The following EFHC2 variants were observed in gnomAD, a reference collection of about 807,000 sequenced individuals.
The protein encoded by EFHC2 is EF-hand domain-containing family member C2.
In EFHC2, 18 loss-of-function variants were observed where a neutral mutation model predicts 52.7. The ratio of observed to expected loss-of-function variants is 0.34; its 90% CI spans 0.24 to 0.51. The LOEUF is 0.51. Among genes scored for constraint, EFHC2 ranks in the 20% least tolerant of loss-of-function variants. The pLI is 0.97. For missense variants in EFHC2, 513 were observed against 562.5 expected, an observed-to-expected ratio of 0.91 and a Z score of 0.89; for synonymous variants, 203 against 204.1, an observed-to-expected ratio of 0.99 and a Z score of 0.04.
chrX:44,188,982 T>C (rs1380159557), intron 11 of EFHC2, among the ~76,000 whole-genome samples: 3 of 108,829 alleles, frequency 2.8e-5, no homozygotes, highest in Non-Finnish European at 5.7e-5. Flanking sequence ...TAGCCGGGCA[T>C]GATGGTGCAC....
At chrX:44,240,894 G>A (rs754861301) in intron 8 of EFHC2, among the ~76,000 whole-genome samples, 12 of 111,597 alleles carry the variant, frequency 1.1e-4, no homozygotes, top group South Asian at 3.8e-4. Flanking sequence ...ATCCTTAAAA[G>A]TAAAAGATTA....
intron 11 of EFHC2, among the ~76,000 whole-genome samples, chrX:44,183,413 A>G (rs762733433): frequency 1.8e-5 from 2 of 112,107 alleles, no homozygotes; most frequent in Non-Finnish European, 3.8e-5. Flanking sequence ...CCCTTGCCGT[A>G]TTGCCACTTA....
intron 1 of EFHC2, among the ~76,000 whole-genome samples, chrX:44,316,567 T>C (rs1040043065): frequency 9.3e-6 from 1 of 107,727 alleles, no homozygotes; most frequent in South Asian, 4.0e-4. Flanking sequence ...ATCCATAGAA[T>C]GAAGTTTGGG....
Position 44,209,016 on chromosome X carries a change from AATCTGTGT to A in EFHC2, c.1751+20625_1751+20632del, listed in dbSNP as rs1479045342. On this transcript the variant is annotated intron_variant, in intron 11 of 14. Coordinates refer to ENST00000420999, the MANE Select transcript of EFHC2 (RefSeq NM_025184.4). ...AATGCATGATACTGGGTTGATTGGC[AATCTGTGT>A]GTGTGTGTGTGTGTGTGTGTGTGTG... Among the ~76,000 whole-genome samples, 7 of 85,928 alleles carry A rather than the reference AATCTGTGT, an allele frequency of 8.1e-5. No homozygotes were observed. The East Asian group carries it at 2.6e-3, about 31-fold the overall frequency. The allele number at this position is 85,928 out of a possible 115,157, so 74.6% of individuals were successfully genotyped here.
intron 2 of EFHC2, among the ~76,000 whole-genome samples, chrX:44,310,731 G>T (rs1279458205): frequency 1.8e-5 from 2 of 111,591 alleles, no homozygotes; most frequent in Non-Finnish European, 3.8e-5. Flanking sequence ...TTTAATAGAA[G>T]TTGACCAACA....
Position 44,233,437 on chromosome X carries a change from T to C in EFHC2, c.1424-760A>G, listed in dbSNP as rs1302246275. Among the ~76,000 whole-genome samples, 3 of 112,039 alleles carry C rather than the reference T, an allele frequency of 2.7e-5. No homozygotes were observed. The East Asian group carries it at 8.4e-4, about 31-fold the overall frequency. On this transcript the variant is annotated intron_variant, in intron 9 of 14. Coordinates refer to ENST00000420999, the MANE Select transcript of EFHC2 (RefSeq NM_025184.4). Reference sequence around the variant, plus strand: ...TGTCATCATTTCATCTGTTCTCTTCTAGACATTATTTGTTTTGACCTCTTG... The same window carrying C: ...TGTCATCATTTCATCTGTTCTCTTCCAGACATTATTTGTTTTGACCTCTTG...
At chrX:44,260,030 G>T (rs899019986) in intron 4 of EFHC2, among the ~76,000 whole-genome samples, 2 of 111,609 alleles carry the variant, frequency 1.8e-5, no homozygotes, top group African/African-American at 6.5e-5. Context: ...TTACCTCTCT[G>T]CAAGGAAATG....
intron 11 of EFHC2, among the ~76,000 whole-genome samples, chrX:44,179,541 T>C (rs749521059): frequency 6.2e-5 from 7 of 112,205 alleles, no homozygotes; most frequent in African/African-American, 1.3e-4. Flanking sequence ...AGAATTTCCA[T>C]AGAGTCTAGG....
chrX:44,319,026 A>T (rs1262229373), intron 1 of EFHC2, among the ~76,000 whole-genome samples: 4 of 101,460 alleles, frequency 3.9e-5, no homozygotes, highest in Non-Finnish European at 2.0e-5. Context: ...TTTTTGAGAC[A>T]GAGTCTCACT....
intron 3 of EFHC2, among the ~76,000 whole-genome samples, chrX:44,263,735 T>C (rs1201615763): frequency 8.9e-6 from 1 of 112,309 alleles, no homozygotes; most frequent in African/African-American, 3.2e-5. Context: ...AACCATTATA[T>C]ACTACTTTAA....
intron 14 of EFHC2, among the ~76,000 whole-genome samples, chrX:44,157,679 C>T (rs944817975): frequency 2.7e-5 from 3 of 110,330 alleles, no homozygotes; most frequent in African/African-American, 9.9e-5. Context: ...GCTCCAATAA[C>T]ACCAGTCCCC....
At chrX:44,309,966 A>G in intron 2 of EFHC2, 1 of 976,257 alleles carries the variant, frequency 1.0e-6, no homozygotes, top group Non-Finnish European at 1.5e-6. Context: ...TTCAGAATGT[A>G]TGTTTTCCAT....
chrX:44,232,303 C>T (rs150556905), intron 10 of EFHC2, among the ~76,000 whole-genome samples, 178 bp downstream of exon 10: 2,477 of 112,185 alleles, frequency 0.022, 32 homozygotes, highest in Non-Finnish European at 0.036. Context: ...TAGACAAGAA[C>T]CTGGCCTCTG....
At chrX:44,278,502 G>A (rs1355448076) in intron 2 of EFHC2, among the ~76,000 whole-genome samples, 1 of 111,878 alleles carries the variant, frequency 8.9e-6, no homozygotes, top group African/African-American at 3.2e-5. Flanking sequence ...CGGCAAATAT[G>A]CCGAGGCACA....
intron 11 of EFHC2, among the ~76,000 whole-genome samples, chrX:44,179,747 T>C: frequency 8.9e-6 from 1 of 112,415 alleles, no homozygotes; most frequent in Middle Eastern, 4.6e-3. Context: ...ATTAGTAATA[T>C]TGGCAGGAGG....
intron 1 of EFHC2, among the ~76,000 whole-genome samples, chrX:44,319,965 C>T (rs763725225): frequency 6.9e-4 from 76 of 110,199 alleles, no homozygotes; most frequent in African/African-American, 1.4e-3. Context: ...TTTTATGAGA[C>T]GGAGTCTCAC....
At chrX:44,317,439 C>G (rs191564707) in intron 1 of EFHC2, among the ~76,000 whole-genome samples, 4 of 112,629 alleles carry the variant, frequency 3.6e-5, no homozygotes, top group East Asian at 2.8e-4. Flanking sequence ...AAATGGCCAA[C>G]AAGCACATGA....
At chrX:44,157,613 T>A (rs2147266006) in intron 14 of EFHC2, among the ~76,000 whole-genome samples, 1 of 109,889 alleles carries the variant, frequency 9.1e-6, no homozygotes, top group African/African-American at 3.3e-5. Flanking sequence ...GGTTTGGGAG[T>A]GGCTATAGTG....
chrX:44,243,160 C>T (rs1449163107), intron 7 of EFHC2, among the ~76,000 whole-genome samples: 3 of 111,122 alleles, frequency 2.7e-5, no homozygotes, highest in African/African-American at 6.6e-5. Context: ...CAGAAGCAAC[C>T]GTGCTCTCCA....
Sources: allele counts gnomAD v4.1 joint callset (sites outside exome capture counted in the v4.1 genomes callset), GRCh38; gene constraint gnomAD v4.1.1; transcripts MANE v1.5; gene names NCBI Gene and HGNC (gene_info 2026-07-23, HGNC 2026-07-21).